Variants in EYS observed in about 807,000 individuals in gnomAD.
EYS encodes the protein EGF-like photoreceptor maintenance factor, also known as protein eyes shut homolog.
Under a neutral mutation model 282.1 loss-of-function variants are expected in EYS, and 250 were observed. The observed-to-expected ratio is 0.89, with a 90% CI of 0.80 to 0.98. EYS has a LOEUF of 0.98. Among genes scored for constraint, EYS ranks in the 50% least tolerant of loss-of-function variants. The probability of loss-of-function intolerance (pLI) is 0.00; values close to 1 mark genes in which losing one functional copy is unlikely to be tolerated. For synonymous variants in EYS, 1,355 were observed against 1,282.9 expected (o/e 1.06, Z -1.20); for missense variants, 4,016 against 3,709.0 (o/e 1.08, Z -2.15).
chr6:65,451,709 TTAA>T (rs201375970), intron 5 of EYS, among the ~76,000 whole-genome samples: 1,639 of 152,146 alleles, frequency 0.011, 24 homozygotes, highest in African/African-American at 0.037. Context: ...CACTGTTTTT[TTAA>T]TTGCTACTTC....
At chr6:65,383,675 C>T (rs1765700030) in intron 8 of EYS, among the ~76,000 whole-genome samples, 1 of 151,414 alleles carries the variant, frequency 6.6e-6, no homozygotes, top group South Asian at 2.1e-4. Context: ...TATAGTTTGC[C>T]TTTCAGATAA....
chr6:64,112,512 A>C (rs1773238257), intron 31 of EYS, among the ~76,000 whole-genome samples: 1 of 151,824 alleles, frequency 6.6e-6, no homozygotes, highest in African/African-American at 2.4e-5. Flanking sequence ...TGAAATTATT[A>C]AATCAAGTTA....
At chr6:64,513,799 G>A (rs1166806579) in intron 26 of EYS, among the ~76,000 whole-genome samples, 2 of 151,798 alleles carry the variant, frequency 1.3e-5, no homozygotes, top group African/African-American at 4.8e-5. Flanking sequence ...TGATTAACAT[G>A]AAGAAAAATT....
At chr6:64,578,620 T>G (rs868105923) in intron 26 of EYS, among the ~76,000 whole-genome samples, 21 of 134,412 alleles carry the variant, frequency 1.6e-4, no homozygotes, top group African/African-American at 5.2e-4. Context: ...TGTGTGTGTG[T>G]GGTGTGTGTG....
intron 28 of EYS, among the ~76,000 whole-genome samples, chr6:64,413,986 AC>A (rs1255888624): frequency 6.6e-6 from 1 of 152,106 alleles, no homozygotes; most frequent in Non-Finnish European, 1.5e-5. Flanking sequence ...TCATCTCTGA[AC>A]CAGGAATTTT....
At chr6:64,090,836 T>A (rs1466845718) in intron 31 of EYS, among the ~76,000 whole-genome samples, 1 of 152,230 alleles carries the variant, frequency 6.6e-6, no homozygotes, top group Admixed American at 6.5e-5. Context: ...TCACTTGGAA[T>A]GCCATCTTCT....
intron 12 of EYS, among the ~76,000 whole-genome samples, chr6:65,245,611 G>A (rs756297423): frequency 1.4e-4 from 21 of 151,612 alleles, no homozygotes; most frequent in Non-Finnish European, 2.8e-4. Context: ...TAGGTTTTCA[G>A]GATAACAAAA....
chr6:64,466,402 T>C (rs1231550439), intron 26 of EYS, among the ~76,000 whole-genome samples: 1 of 152,106 alleles, frequency 6.6e-6, no homozygotes, highest in African/African-American at 2.4e-5. Context: ...ATATACAAAA[T>C]GGAATACTAT....
At chr6:64,391,293 C>T (rs1252753223) in intron 28 of EYS, among the ~76,000 whole-genome samples, 97 of 146,732 alleles carry the variant, frequency 6.6e-4, no homozygotes, top group African/African-American at 1.1e-3. Context: ...AGATACTCCT[C>T]GAGAAGAGCA....
intron 33 of EYS, among the ~76,000 whole-genome samples, chr6:64,026,308 AG>A (rs1562159767): frequency 6.6e-6 from 1 of 152,162 alleles, no homozygotes; most frequent in Non-Finnish European, 1.5e-5. Flanking sequence ...GTTCTTGGGC[AG>A]GGGGAAGAAA....
intron 26 of EYS, among the ~76,000 whole-genome samples, chr6:64,484,880 T>A (rs905234599): frequency 2.3e-4 from 35 of 151,494 alleles, no homozygotes; most frequent in African/African-American, 8.2e-4. Flanking sequence ...ATTAGGGCTC[T>A]GAGGAAAGGA....
At chr6:64,671,765 ACACT>A (rs1467539323) in intron 22 of EYS, among the ~76,000 whole-genome samples, 6 of 152,154 alleles carry the variant, frequency 3.9e-5, no homozygotes, top group Non-Finnish European at 8.8e-5. Context: ...GAAGAGGGAG[ACACT>A]CAGTGCATAA....
chr6:64,154,867 C>T (rs1562228366), intron 31 of EYS, among the ~76,000 whole-genome samples: 2 of 151,982 alleles, frequency 1.3e-5, no homozygotes, highest in Admixed American at 6.6e-5. Context: ...AATACTCTAC[C>T]CATGAAAACA....
chr6:65,465,683 A>G (rs1231970438), intron 5 of EYS, among the ~76,000 whole-genome samples: 1 of 152,128 alleles, frequency 6.6e-6, no homozygotes, highest in Admixed American at 6.6e-5. Context: ...TCTAATACCA[A>G]AACAAAATCA....
rs57665176 is a variant in EYS, at chr6:64,266,409, G to A, written c.6192-35585C>T. 1.1e-4 allele frequency among the ~76,000 whole-genome samples: 17 copies of A among 152,054 alleles called. No individual in the cohort carries two copies. In the East Asian group the frequency reaches 3.1e-3, roughly 28 times the overall value. On this transcript the variant is annotated intron_variant, in intron 30 of 42. Transcript: ENST00000503581. Reference sequence around the variant, plus strand: ...AAAATCCCCAAAACTAAAAAAACCCGAGTGAGTAATGTTTACCAGTCAGCA... The same window carrying A: ...AAAATCCCCAAAACTAAAAAAACCCAAGTGAGTAATGTTTACCAGTCAGCA...
At chr6:64,498,216 C>T (rs977708802) in intron 26 of EYS, among the ~76,000 whole-genome samples, 1 of 152,000 alleles carries the variant, frequency 6.6e-6, no homozygotes, top group Non-Finnish European at 1.5e-5. Context: ...TTGTTTAATG[C>T]TCACAATACC....
In EYS at chr6:65,404,515, G is replaced by T. The variant is rs142502271; in HGVS notation, c.1056+659C>A. Among the ~76,000 whole-genome samples the T allele has an allele frequency of 4.2e-3, 645 of 151,998 alleles. 9 individuals are homozygous for T. The highest frequency in any genetic ancestry group is 0.015 in the African/African-American group (614 of 41,478). On this transcript the variant is annotated intron_variant, in intron 6 of 42. Transcript: ENST00000503581. ...GCATGTATTATTGCTCTTTGCCCTT[G>T]TATCTCCAAATATTTGGGTCTAGTA...
chr6:64,235,549 T>G (rs2150340396), intron 30 of EYS, among the ~76,000 whole-genome samples: 1 of 152,256 alleles, frequency 6.6e-6, no homozygotes. Flanking sequence ...GCAAAAAATA[T>G]ATGTGTGCAT....
intron 19 of EYS, among the ~76,000 whole-genome samples, chr6:64,829,485 A>T (rs138177507): frequency 4.5e-4 from 69 of 152,090 alleles, no homozygotes; most frequent in African/African-American, 1.6e-3. Flanking sequence ...GGCCAGAATA[A>T]CTACTCAAGG....
Sources: allele counts gnomAD v4.1 joint callset (sites outside exome capture counted in the v4.1 genomes callset), GRCh38; gene constraint gnomAD v4.1.1; transcripts MANE v1.5; gene names NCBI Gene and HGNC (gene_info 2026-07-23, HGNC 2026-07-21).